QTMAN: variants seen among roughly 807,000 people sequenced by gnomAD.
QTMAN encodes tRNA-queuosine alpha-mannosyltransferase.
chr2:144,087,845 G>A, the QTMAN span, among the ~76,000 whole-genome samples: 1 of 151,982 alleles, frequency 6.6e-6, no homozygotes, highest in Non-Finnish European at 1.5e-5. Flanking sequence ...TCACTTCATA[G>A]TGAATAGAGA....
the QTMAN span, among the ~76,000 whole-genome samples, chr2:144,043,792 T>C: frequency 8.5e-5 from 13 of 152,220 alleles, no homozygotes; most frequent in Admixed American, 8.5e-4. Context: ...TAAAATTAAC[T>C]GAACTTGCCT....
At chr2:144,149,559 C>T in the QTMAN span, among the ~76,000 whole-genome samples, 12 of 151,456 alleles carry the variant, frequency 7.9e-5, no homozygotes, top group Admixed American at 7.3e-4. Context: ...AAAATGTCTG[C>T]TAAATTCAAA....
At chr2:144,141,078 A>G in the QTMAN span, among the ~76,000 whole-genome samples, 2 of 152,004 alleles carry the variant, frequency 1.3e-5, no homozygotes, top group African/African-American at 4.8e-5. Flanking sequence ...CCTTCATTTC[A>G]GGGATGAGGA....
chr2:144,212,611 T>C, the QTMAN span, among the ~76,000 whole-genome samples: 1 of 152,166 alleles, frequency 6.6e-6, no homozygotes, highest in East Asian at 1.9e-4. Flanking sequence ...GCGCTCAGAA[T>C]AGTATTATAT....
At chr2:144,238,740 C>T in the QTMAN span, among the ~76,000 whole-genome samples, 2 of 152,142 alleles carry the variant, frequency 1.3e-5, no homozygotes, top group Non-Finnish European at 2.9e-5. Flanking sequence ...CAACTATCCC[C>T]ATGAAAAAAT....
chr2:143,981,439 T>C, the QTMAN span, among the ~76,000 whole-genome samples: 1 of 152,194 alleles, frequency 6.6e-6, no homozygotes, highest in Non-Finnish European at 1.5e-5. Flanking sequence ...TCATATTCAG[T>C]TGTGGACATT....
the QTMAN span, among the ~76,000 whole-genome samples, chr2:144,125,747 T>C: frequency 6.6e-6 from 1 of 152,226 alleles, no homozygotes; most frequent in Non-Finnish European, 1.5e-5. Flanking sequence ...AAAACTAGGT[T>C]AAAATACCCA....
chr2:144,278,477 C>G, the QTMAN span, among the ~76,000 whole-genome samples: 24 of 151,620 alleles, frequency 1.6e-4, no homozygotes, highest in East Asian at 4.6e-3. Flanking sequence ...TACTACGGGC[C>G]AAGAGCTTTA....
At chr2:143,977,876 G>A in the QTMAN span, among the ~76,000 whole-genome samples, 4 of 152,090 alleles carry the variant, frequency 2.6e-5, no homozygotes, top group Non-Finnish European at 4.4e-5. Flanking sequence ...AAGTCCATGA[G>A]CACTCTAAGA....
chr2:144,005,843 T>C, the QTMAN span: 1 of 152,122 alleles, frequency 6.6e-6, no homozygotes, highest in African/African-American at 2.4e-5. Flanking sequence ...TTCCTCCATA[T>C]TGCTGTTTTG....
At chr2:144,293,547 T>C in the QTMAN span, among the ~76,000 whole-genome samples, 6 of 152,160 alleles carry the variant, frequency 3.9e-5, no homozygotes, top group South Asian at 6.2e-4. Flanking sequence ...GATTTGAACA[T>C]AACTCTAAAC....
chr2:144,047,100 A>G, the QTMAN span, among the ~76,000 whole-genome samples: 1 of 151,950 alleles, frequency 6.6e-6, no homozygotes, highest in South Asian at 2.1e-4. Flanking sequence ...GCAAAACCCT[A>G]TCTCTACTAA....
chr2:144,052,907 C>T, the QTMAN span, among the ~76,000 whole-genome samples: 1 of 152,182 alleles, frequency 6.6e-6, no homozygotes, highest in Non-Finnish European at 1.5e-5. Context: ...CCTTGGCCTC[C>T]CAAAGTGCTG....
chr2:144,035,374 T>C, the QTMAN span, among the ~76,000 whole-genome samples: 1 of 152,196 alleles, frequency 6.6e-6, no homozygotes, highest in African/African-American at 2.4e-5. Context: ...AATGAACTAA[T>C]AGAGCAACCT....
At chr2:144,126,361 A>G in the QTMAN span, among the ~76,000 whole-genome samples, 2 of 151,826 alleles carry the variant, frequency 1.3e-5, no homozygotes, top group African/African-American at 4.8e-5. Flanking sequence ...GACTTAACAG[A>G]CTCAGAGATC....
the QTMAN span, among the ~76,000 whole-genome samples, chr2:144,328,434 C>T: frequency 6.6e-6 from 1 of 152,146 alleles, no homozygotes; most frequent in Admixed American, 6.5e-5. Context: ...AGGTGTTTGT[C>T]ATTATTTCAA....
At chr2:144,274,218 G>A in the QTMAN span, among the ~76,000 whole-genome samples, 1 of 152,180 alleles carries the variant, frequency 6.6e-6, no homozygotes, top group Non-Finnish European at 1.5e-5. Context: ...TAAGCAATAG[G>A]GGCACTAGGA....
chr2:144,179,050 T>C, the QTMAN span: 1 of 437,664 alleles, frequency 2.3e-6, no homozygotes, highest in Admixed American at 2.7e-5. Context: ...TTTGAGTATG[T>C]GAGTTAAAAA....
the QTMAN span, among the ~76,000 whole-genome samples, chr2:144,218,915 T>TAAAAAAAAAAAAAAAA: frequency 5.5e-5 from 3 of 54,606 alleles, no homozygotes; most frequent in Non-Finnish European, 8.2e-5. Flanking sequence ...GGAAAGTATC[T>TAAAAAAAAAAAAAAAA]AAAAAAAAAA....
Sources: allele counts gnomAD v4.1 joint callset (sites outside exome capture counted in the v4.1 genomes callset), GRCh38; gene constraint gnomAD v4.1.1; transcripts MANE v1.5; gene names NCBI Gene and HGNC (gene_info 2026-07-23, HGNC 2026-07-21).